The following PTPRD variants were observed in gnomAD, a reference collection of about 807,000 sequenced individuals.
The protein encoded by PTPRD is protein tyrosine phosphatase receptor type D.
In PTPRD, 34 loss-of-function variants were observed where a neutral mutation model predicts 214.5. The observed-to-expected ratio is 0.16, with a 90% confidence interval of 0.12 to 0.21. The LOEUF (loss-of-function observed/expected upper bound fraction) is 0.21, where lower values mean the gene tolerates loss of function less well. Ranked by LOEUF, PTPRD falls within the 10% of genes least tolerant of loss-of-function variation. The probability of loss-of-function intolerance (pLI) is 1.00; values close to 1 mark genes in which losing one functional copy is unlikely to be tolerated. For missense variants in PTPRD, 2,545 were observed against 2,398.7 expected, an observed-to-expected ratio of 1.06 and a Z score of -1.27; for synonymous variants, 1,128 against 845.7, an observed-to-expected ratio of 1.33 and a Z score of -5.79.
intron 36 of PTPRD, among the ~76,000 whole-genome samples, chr9:8,402,025 A>G (rs2092457941): frequency 6.6e-6 from 1 of 152,200 alleles, no homozygotes; most frequent in African/African-American, 2.4e-5. Context: ...CTGTGGTTCC[A>G]GTTGCCAGTA....
chr9:10,016,115 T>G (rs539909991), intron 4 of PTPRD, among the ~76,000 whole-genome samples: 2 of 152,300 alleles, frequency 1.3e-5, no homozygotes, highest in East Asian at 3.9e-4. Context: ...ATGTGGTTGG[T>G]AAAGGTCTAA....
At chr9:10,400,051 T>C (rs547208542) in intron 2 of PTPRD, among the ~76,000 whole-genome samples, 111 of 151,968 alleles carry the variant, frequency 7.3e-4, no homozygotes, top group Middle Eastern at 6.8e-3. Flanking sequence ...AAAACTTAGT[T>C]ATGTCCTATT....
chr9:9,307,260 G>C (rs559986146), intron 9 of PTPRD, among the ~76,000 whole-genome samples: 1 of 152,278 alleles, frequency 6.6e-6, no homozygotes, highest in East Asian at 1.9e-4. Flanking sequence ...TTCCACTTGA[G>C]TAGCTCACAC....
Position 10,202,671 on chromosome 9 carries a change from GATATATATATAT to G in PTPRD, c.-545+138280_-545+138291del, listed in dbSNP as rs77962535. ...GATGCCTACTTATAAAAATTATATG[GATATATATATAT>G]ATATATATATATATATGCACCAGTG... On this transcript the variant is annotated intron_variant, in intron 3 of 45. Transcript: ENST00000381196. Among the ~76,000 whole-genome samples, 67 of 113,114 alleles carry G rather than the reference GATATATATATAT, an allele frequency of 5.9e-4. 1 individual carries two copies. Among genetic ancestry groups the G allele is most frequent in the East Asian group, 5.9e-3 (22 of 3,724 alleles). 74.2% of individuals were successfully genotyped at this position (113,114 alleles called of 152,430 possible).
At chr9:10,142,442 A>C (rs2098992555) in intron 3 of PTPRD, among the ~76,000 whole-genome samples, 1 of 151,898 alleles carries the variant, frequency 6.6e-6, no homozygotes, top group South Asian at 2.1e-4. Flanking sequence ...AAAACAAACA[A>C]CTCCATCAAA....
chr9:10,188,579 T>A (rs1464619759), intron 3 of PTPRD, among the ~76,000 whole-genome samples: 2 of 152,106 alleles, frequency 1.3e-5, no homozygotes, highest in Non-Finnish European at 2.9e-5. Context: ...TAGTATCTTT[T>A]TTTTTTTTAC....
At chr9:10,394,058 A>T (rs954429961) in intron 2 of PTPRD, among the ~76,000 whole-genome samples, 16 of 138,268 alleles carry the variant, frequency 1.2e-4, no homozygotes, top group Non-Finnish European at 2.2e-4. Context: ...TATACATATT[A>T]TATATATATA....
chr9:10,169,545 A>C (rs1593030124), intron 3 of PTPRD, among the ~76,000 whole-genome samples: 1 of 151,478 alleles, frequency 6.6e-6, no homozygotes. Context: ...AGGTGGCTGT[A>C]CCTTCCACAA....
In PTPRD at chr9:8,422,364, G is replaced by A. The variant is rs148326314; in HGVS notation, c.4086+14228C>T. Among the ~76,000 whole-genome samples the A allele has an allele frequency of 1.2e-4, 18 of 151,924 alleles. 1 individual carries two copies. The highest frequency in any genetic ancestry group is 2.7e-4 in the African/African-American group (11 of 41,436). ...ACATAGAAAAACAAACATCCTTAAC[G>A]TTTCAAGTTAACATGACTTTAGGAG... On this transcript the variant is annotated intron_variant, in intron 35 of 45. Transcript: ENST00000381196.
At chr9:8,749,307 C>T (rs1018188575) in intron 11 of PTPRD, among the ~76,000 whole-genome samples, 12 of 152,212 alleles carry the variant, frequency 7.9e-5, no homozygotes, top group African/African-American at 2.6e-4. Flanking sequence ...CGTGTCTCAT[C>T]TCCCTGAGCA....
At chr9:9,104,887 C>G (rs1445875188) in intron 10 of PTPRD, among the ~76,000 whole-genome samples, 1 of 152,138 alleles carries the variant, frequency 6.6e-6, no homozygotes, top group East Asian at 1.9e-4. Flanking sequence ...GACAAACAAA[C>G]TGGTGGCTGG....
At chr9:8,661,015 A>G (rs980716763) in intron 12 of PTPRD, among the ~76,000 whole-genome samples, 1 of 152,090 alleles carries the variant, frequency 6.6e-6, no homozygotes, top group African/African-American at 2.4e-5. Context: ...AAGAGCTTGT[A>G]TCATTTCCCT....
chr9:10,159,023 CT>C (rs1484007377), intron 3 of PTPRD, among the ~76,000 whole-genome samples: 2 of 152,076 alleles, frequency 1.3e-5, no homozygotes, highest in Non-Finnish European at 2.9e-5. Context: ...ACTGGTCCCC[CT>C]GGGCATGAAC....
intron 11 of PTPRD, among the ~76,000 whole-genome samples, chr9:8,999,446 C>A (rs531056412): frequency 6.6e-6 from 1 of 152,142 alleles, no homozygotes; most frequent in South Asian, 2.1e-4. Context: ...TAGCAATAAA[C>A]TATTTTTAAT....
At chr9:9,395,935 A>G (rs1010119000) in intron 9 of PTPRD, among the ~76,000 whole-genome samples, 6 of 152,102 alleles carry the variant, frequency 3.9e-5, no homozygotes, top group African/African-American at 1.4e-4. Flanking sequence ...ATTGCCTTTG[A>G]ATAGATTGCA....
chr9:8,678,349 C>T (rs919522644), intron 12 of PTPRD, among the ~76,000 whole-genome samples: 14 of 152,296 alleles, frequency 9.2e-5, no homozygotes, highest in African/African-American at 3.4e-4. Flanking sequence ...AAGTTAACAT[C>T]TACCACATCA....
chr9:10,252,882 C>T (rs995554512), intron 3 of PTPRD, among the ~76,000 whole-genome samples: 2 of 152,052 alleles, frequency 1.3e-5, no homozygotes, highest in African/African-American at 4.8e-5. Context: ...CTCCCGGGTT[C>T]AAGAGATTTT....
At chr9:9,872,643 G>A (rs2153717166) in intron 5 of PTPRD, among the ~76,000 whole-genome samples, 1 of 152,144 alleles carries the variant, frequency 6.6e-6, no homozygotes, top group South Asian at 2.1e-4. Context: ...AGCTTTACAA[G>A]GAGATAGAAT....
At chr9:9,634,599 T>C (rs1043478771) in intron 7 of PTPRD, among the ~76,000 whole-genome samples, 13 of 152,194 alleles carry the variant, frequency 8.5e-5, no homozygotes, top group African/African-American at 3.1e-4. Context: ...ATTCTTGTTC[T>C]CTAATACAAC....
Sources: allele counts gnomAD v4.1 joint callset (sites outside exome capture counted in the v4.1 genomes callset), GRCh38; gene constraint gnomAD v4.1.1; transcripts MANE v1.5; gene names NCBI Gene and HGNC (gene_info 2026-07-23, HGNC 2026-07-21).